The following UFM1 variants were observed in gnomAD, a reference collection of about 807,000 sequenced individuals.
UFM1 encodes ubiquitin fold modifier 1.
In UFM1, 9 loss-of-function variants were observed where a neutral mutation model predicts 15.4. The ratio of observed to expected loss-of-function variants is 0.59; its 90% CI spans 0.35 to 1.02. The LOEUF (loss-of-function observed/expected upper bound fraction) is 1.02. Among genes scored for constraint, UFM1 ranks in the 50% least tolerant of loss-of-function variants. The pLI, the probability that UFM1 is intolerant of heterozygous loss-of-function variation, is 0.02. For missense variants in UFM1, 98 were observed against 104.7 expected (o/e 0.94, Z 0.28); for synonymous variants, 27 against 36.3 (o/e 0.74, Z 0.92).
At position 38,362,501 on chromosome 13, in the gene UFM1, C is replaced by G. The variant is rs1322956078; in HGVS notation, c.*1723C>G. On this transcript the variant is annotated 3_prime_UTR_variant, in exon 6 of 6. Coordinates refer to ENST00000239878, the MANE Select transcript of UFM1 (RefSeq NM_016617.4). ...TTTTTTGAGGCAGACTCTCTGTCGC[C>G]AGGCTTCTCCTGCCTCAGCCTCACG... The G allele has an allele frequency of 6.6e-6, 1 of 150,686 alleles. No individual in the cohort carries two copies. The highest frequency in any genetic ancestry group is 2.4e-5 in the African/African-American group (1 of 41,090). 9.3% of individuals were successfully genotyped at this position (150,686 alleles called of 1,614,324 possible).
intron 3 of UFM1, chr13:38,355,028 A>G (rs1879034357): frequency 2.0e-5 from 3 of 151,998 alleles, no homozygotes; most frequent in Admixed American, 2.0e-4. Flanking sequence ...GAGTAAAAAC[A>G]TTATTTCCTG....
chr13:38,358,563 A>G (rs1879229897), intron 4 of UFM1, among the ~76,000 whole-genome samples: 1 of 152,024 alleles, frequency 6.6e-6, no homozygotes, highest in Admixed American at 6.6e-5. Flanking sequence ...ATATAATTAA[A>G]AATCTTAATA....
chr13:38,359,243 C>T (rs1879262888), intron 4 of UFM1, 58 bp from the exon 5 acceptor site: 3 of 1,553,800 alleles, frequency 1.9e-6, no homozygotes, highest in African/African-American at 1.4e-5. Flanking sequence ...TTCCTTGCTA[C>T]TATTTAACCA....
rs887367505 is a variant in UFM1, at chr13:38,362,228, T to C, written c.*1450T>C. 1.3e-5 allele frequency: 2 copies of C among 152,112 alleles called. No homozygotes were observed. The highest frequency in any genetic ancestry group is 6.6e-5 in the Admixed American group (1 of 15,264). 9.4% of individuals were successfully genotyped at this position (152,112 alleles called of 1,614,324 possible). A position where few individuals can be genotyped will look rare whatever the true frequency, so the allele number is the denominator to read the frequency against. Reference sequence around the variant, plus strand: ...AAAGTCTTTCTAAGACCAATTATTATCTTAGCATGTTTCAGTATCTTCTCT... The same window carrying C: ...AAAGTCTTTCTAAGACCAATTATTACCTTAGCATGTTTCAGTATCTTCTCT... On this transcript the variant is annotated 3_prime_UTR_variant, in exon 6 of 6. Transcript: ENST00000239878.
In UFM1 at chr13:38,362,834, A is replaced by G. The variant is rs546808278; in HGVS notation, c.*2056A>G. ...TAATATTTTTATTCTTTGGTTTTGAACATTGTAAGTTCCTAAAAACATTTT... is the reference window on the plus strand; with the variant it reads ...TAATATTTTTATTCTTTGGTTTTGAGCATTGTAAGTTCCTAAAAACATTTT... On this transcript the variant is annotated 3_prime_UTR_variant, in exon 6 of 6. Transcript: ENST00000239878. 15 of 152,302 alleles carry G rather than the reference A, an allele frequency of 9.8e-5. No individual in the cohort carries two copies. The South Asian group carries it at 2.9e-3, about 29-fold the overall frequency. 9.4% of individuals were successfully genotyped at this position (152,302 alleles called of 1,614,324 possible). A position where few individuals can be genotyped will look rare whatever the true frequency, so the allele number is the denominator to read the frequency against.
At chr13:38,350,346 G>A in intron 2 of UFM1, 3 of 1,050,780 alleles carry the variant, frequency 2.9e-6, no homozygotes, top group Non-Finnish European at 4.2e-6. Context: ...GGCGCGGGAG[G>A]ACAGGTGGAC....
intron 2 of UFM1, among the ~76,000 whole-genome samples, chr13:38,352,505 A>G (rs1268997992): frequency 2.0e-5 from 3 of 152,082 alleles, no homozygotes; most frequent in East Asian, 1.9e-4. Context: ...TTGTTTATAT[A>G]TTTATTTAAA....
At chr13:38,351,036 C>T (rs368487390) in intron 2 of UFM1, among the ~76,000 whole-genome samples, 1 of 152,174 alleles carries the variant, frequency 6.6e-6, no homozygotes, top group Non-Finnish European at 1.5e-5. Context: ...ACTATAATTT[C>T]TCATCTACAA....
chr13:38,357,573 G>A (rs1420368125), intron 3 of UFM1, among the ~76,000 whole-genome samples: 1 of 151,634 alleles, frequency 6.6e-6, no homozygotes, highest in African/African-American at 2.4e-5. Context: ...TAACGTGGGA[G>A]TTAGGGGTTC....
In UFM1 at chr13:38,354,309, G is replaced by A. The variant is rs1256055143; in HGVS notation, c.117+13G>A. ...TGCAGCAGAAGAAGTAAGTACAGAA[G>A]TTGGAACAACCTTTATGGAATGCGG... is the stretch of plus-strand genomic sequence containing the variant. On this transcript the variant is annotated intron_variant, in intron 3 of 5. Coordinates refer to ENST00000239878, the MANE Select transcript of UFM1 (RefSeq NM_016617.4). The A allele has an allele frequency of 1.2e-6, 2 of 1,606,408 alleles. No individual in the cohort carries two copies. The highest frequency in any genetic ancestry group is 1.7e-6 in the Non-Finnish European group (2 of 1,175,000).
At chr13:38,360,653 A>T in intron 5 of UFM1, 58 bp from the exon 6 acceptor site, 1 of 1,280,932 alleles carries the variant, frequency 7.8e-7, no homozygotes, top group Non-Finnish European at 1.1e-6. Context: ...TAATTGTCAG[A>T]ATATTAAGAT....
rs1358088611 is a variant in UFM1, at chr13:38,361,561, T to TTTCTAAATAGCA, written c.*787_*798dup. ...AACCACTGGTGTTTTGAGGATAGTA[T>TTTCTAAATAGCA]TTCTAAATAGCATTCAGGAACAGAG... On this transcript the variant is annotated 3_prime_UTR_variant, in exon 6 of 6. Coordinates refer to ENST00000239878, the MANE Select transcript of UFM1 (RefSeq NM_016617.4). 3 of 152,224 alleles carry TTTCTAAATAGCA rather than the reference T, an allele frequency of 2.0e-5. No homozygotes were observed. Among genetic ancestry groups the TTTCTAAATAGCA allele is most frequent in the African/African-American group, 7.2e-5 (3 of 41,454 alleles). The allele number at this position is 152,224 out of a possible 1,614,324, so 9.4% of individuals were successfully genotyped here.
At chr13:38,349,962 C>T (rs1878742477) in intron 1 of UFM1, 37 bp from the exon 2 acceptor site, 1 of 1,614,090 alleles carries the variant, frequency 6.2e-7, no homozygotes, top group Admixed American at 1.7e-5. Flanking sequence ...CCTGGTCCAG[C>T]TGCCCGACCC....
Position 38,358,128 on chromosome 13 carries a change from CA to C in UFM1, c.155del (p.Asn52MetfsTer4). ...VPAATSAIIT[N>X]DGIGINPAQT... ...CTGCTGCAACAAGTGCAATTATTAC[CA>C]ATGGTAAGAATTCACTATAAAATTA... On this transcript the variant is annotated frameshift_variant, in exon 4 of 6. Coordinates refer to ENST00000239878, the MANE Select transcript of UFM1 (RefSeq NM_016617.4). LOFTEE classifies it high-confidence loss of function. 1 of 1,438,628 alleles carries C rather than the reference CA, an allele frequency of 7.0e-7. No homozygotes were observed. Among genetic ancestry groups the C allele is most frequent in the Non-Finnish European group, 9.3e-7 (1 of 1,080,400 alleles). The allele number at this position is 1,438,628 out of a possible 1,614,324, so 89.1% of individuals were successfully genotyped here.
intron 3 of UFM1, among the ~76,000 whole-genome samples, 181 bp from the exon 4 acceptor site, chr13:38,357,912 T>C (rs1879183624): frequency 6.6e-6 from 1 of 151,866 alleles, no homozygotes; most frequent in African/African-American, 2.4e-5. Flanking sequence ...GAAGAAAATC[T>C]GCATATGTCA....
chr13:38,355,803 G>A (rs762156027), intron 3 of UFM1, among the ~76,000 whole-genome samples: 9 of 151,824 alleles, frequency 5.9e-5, no homozygotes, highest in Non-Finnish European at 8.8e-5. Flanking sequence ...CTTTCAGATC[G>A]TTGTGAGAGG....
intron 3 of UFM1, among the ~76,000 whole-genome samples, chr13:38,355,222 A>G (rs538711780): frequency 9.2e-5 from 14 of 152,176 alleles, no homozygotes; most frequent in Admixed American, 7.8e-4. Context: ...AAGTCAGCCA[A>G]TCCATCAGTG....
At chr13:38,358,587 A>G (rs1350205773) in intron 4 of UFM1, among the ~76,000 whole-genome samples, 1 of 151,982 alleles carries the variant, frequency 6.6e-6, no homozygotes, top group Non-Finnish European at 1.5e-5. Context: ...TGGAACACTG[A>G]TAATCAATGA....
At chr13:38,350,418 G>T (rs974586141) in intron 2 of UFM1, among the ~76,000 whole-genome samples, 13 of 152,190 alleles carry the variant, frequency 8.5e-5, no homozygotes, top group African/African-American at 3.1e-4. Context: ...TTAGAAAAGC[G>T]TTTCACCGCT....
Sources: allele counts gnomAD v4.1 joint callset (sites outside exome capture counted in the v4.1 genomes callset), GRCh38; gene constraint gnomAD v4.1.1; transcripts MANE v1.5; gene names NCBI Gene and HGNC (gene_info 2026-07-23, HGNC 2026-07-21).